Variants in ADAM9 observed in about 807,000 individuals in gnomAD.
ADAM9 encodes the protein disintegrin and metalloproteinase domain-containing protein 9.
A neutral mutation model predicts 108.1 loss-of-function variants in ADAM9; 54 were observed. That is an observed-to-expected ratio of 0.50 (90% CI 0.40 to 0.63). ADAM9 has a LOEUF of 0.63. Among genes scored for constraint, ADAM9 ranks in the 20% least tolerant of loss-of-function variants. The pLI, the probability that ADAM9 is intolerant of heterozygous loss-of-function variation, is 0.00. For missense variants in ADAM9, 830 were observed against 997.7 expected (o/e 0.83, Z 2.26); for synonymous variants, 316 against 336.0 (o/e 0.94, Z 0.65).
chr8:39,054,251 C>T (rs1209724082), intron 12 of ADAM9, among the ~76,000 whole-genome samples: 1 of 152,160 alleles, frequency 6.6e-6, no homozygotes, highest in Non-Finnish European at 1.5e-5. Flanking sequence ...TCTGAGCAGA[C>T]TAAGTAAGGC....
intron 11 of ADAM9, among the ~76,000 whole-genome samples, chr8:39,035,803 C>CGA (rs1436326990): frequency 1.5e-4 from 23 of 151,644 alleles, no homozygotes; most frequent in African/African-American, 5.1e-4. Flanking sequence ...GGTGACAGAG[C>CGA]GAGACTCTGT....
rs761046278 is a variant in ADAM9, at chr8:39,104,964, A to G, written c.*1264A>G. Reference sequence around the variant, plus strand: ...GGTTTGTGTATATATACATATACAAATACAACATTTACAATAAATAAAATA... The same window carrying G: ...GGTTTGTGTATATATACATATACAAGTACAACATTTACAATAAATAAAATA... On this transcript the variant is annotated 3_prime_UTR_variant, in exon 22 of 22. Coordinates refer to ENST00000487273, the MANE Select transcript of ADAM9 (RefSeq NM_003816.3). The G allele has an allele frequency of 7.0e-6, 3 of 426,548 alleles. No individual in the cohort carries two copies. Among genetic ancestry groups the G allele is most frequent in the South Asian group, 5.2e-5 (3 of 57,204 alleles). The allele number at this position is 426,548 out of a possible 1,614,324, so 26.4% of individuals were successfully genotyped here. A position where few individuals can be genotyped will look rare whatever the true frequency, so the allele number is the denominator to read the frequency against.
Position 39,068,508 on chromosome 8 carries a change from C to G in ADAM9, c.1592-2790C>G, listed in dbSNP as rs188521705. Among the ~76,000 whole-genome samples, 463 of 151,444 alleles carry G rather than the reference C, an allele frequency of 3.1e-3. 1 individual carries two copies. The highest frequency in any genetic ancestry group is 0.01 in the African/African-American group (428 of 41,278). On this transcript the variant is annotated intron_variant, in intron 14 of 21. Transcript: ENST00000487273. ...TGGCCAACATGGTGAAGCCCTGTCT[C>G]TACTAAAAATACAAAAATTAGCTTG... is the stretch of plus-strand genomic sequence containing the variant.
chr8:39,103,684 A>G lies in ADAM9; in HGVS notation c.2444A>G (p.Tyr815Cys), dbSNP rs1196997549. The G allele has an allele frequency of 5.6e-6, 9 of 1,613,676 alleles. No homozygotes were observed. The highest frequency in any genetic ancestry group is 7.6e-6 in the Non-Finnish European group (9 of 1,179,842). ...CGTCCTGCTCCTGCACCTCCTTTAT[A>G]TAGTTCCCTCACTTGATTTTTTTAA... Reference protein sequence around the residue: ...PARPAPAPPLYSSLT With the variant: ...PARPAPAPPLCSSLT Residue 815 changes from tyrosine to cysteine, a missense_variant, in exon 22 of 22, where the codon TAT becomes TGT. Coordinates refer to ENST00000487273, the MANE Select transcript of ADAM9 (RefSeq NM_003816.3).
intron 12 of ADAM9, among the ~76,000 whole-genome samples, chr8:39,046,389 T>C (rs1184297074): frequency 6.6e-6 from 1 of 152,180 alleles, no homozygotes; most frequent in Non-Finnish European, 1.5e-5. Context: ...ATTTTCTATA[T>C]GTATGATCAT....
chr8:39,045,789 A>G (rs1453409083), intron 12 of ADAM9, among the ~76,000 whole-genome samples: 2 of 152,100 alleles, frequency 1.3e-5, no homozygotes, highest in African/African-American at 4.8e-5. Flanking sequence ...AAAAATCTTT[A>G]TACTGTTTTC....
rs1039093981 is a variant in ADAM9, at chr8:39,050,402, G to A, written c.1303-4079G>A. 1.2e-4 allele frequency among the ~76,000 whole-genome samples: 18 copies of A among 150,100 alleles called. No homozygotes were observed. The East Asian group carries it at 3.1e-3, about 26-fold the overall frequency. ...TGGGATTGCCACAGTGTGTATATTA[G>A]TCTCTTGATGGTGTCTCATAAGTCC... is the stretch of plus-strand genomic sequence containing the variant. On this transcript the variant is annotated intron_variant, in intron 12 of 21. Transcript: ENST00000487273.
At chr8:39,047,527 A>G (rs1837811817) in intron 12 of ADAM9, among the ~76,000 whole-genome samples, 1 of 151,860 alleles carries the variant, frequency 6.6e-6, no homozygotes, top group South Asian at 2.1e-4. Context: ...TCTTGGTGGG[A>G]TGTGTGTTTC....
intron 9 of ADAM9, among the ~76,000 whole-genome samples, chr8:39,025,516 A>G (rs1284269187): frequency 6.6e-6 from 1 of 152,218 alleles, no homozygotes. Flanking sequence ...ATAGTTAAAT[A>G]TAATAAGTGT....
At position 39,042,046 on chromosome 8, in the gene ADAM9, G is replaced by A. The variant is rs1837470820; in HGVS notation, c.1231G>A (p.Ala411Thr). 3.1e-6 allele frequency: 5 copies of A among 1,614,004 alleles called. No homozygotes were observed. The East Asian group carries it at 8.9e-5, about 29-fold the overall frequency. Residue 411 changes from alanine to threonine, a missense_variant, in exon 12 of 22, where the codon GCC becomes ACC. Physicochemically the swap from Ala to Thr is moderately conservative, Grantham distance 58. Around this residue, in one of 3 missense-constraint regions of ADAM9, gnomAD observed 381 missense variants for 539.8 expected, o/e 0.71. Transcript: ENST00000487273. ...CLLNIPKPDE[A>T]YSAPSCGNKL... is the part of the protein sequence containing the mutation. ...TCTTAATATTCCAAAGCCTGATGAA[G>A]CCTATAGTGCTCCCTCCTGTGGTAA...
At position 39,090,197 on chromosome 8, in the gene ADAM9, AT is replaced by A. The variant is rs758789276; in HGVS notation, c.2210+16del. The A allele has an allele frequency of 1.6e-4, 258 of 1,609,130 alleles. No individual in the cohort carries two copies. Among genetic ancestry groups the A allele is most frequent in the Non-Finnish European group, 2.0e-4 (231 of 1,177,072 alleles). Reference sequence around the variant, plus strand: ...AGATCACAAACATATGAGTACTTAGATTTTTTTCTTTTAATTCCTATATTAA... The same window carrying A: ...AGATCACAAACATATGAGTACTTAGATTTTTTCTTTTAATTCCTATATTAA... On this transcript the variant is annotated intron_variant, in intron 19 of 21. Transcript: ENST00000487273.
At position 39,002,333 on chromosome 8, in the gene ADAM9, T is replaced by TA. The variant is rs1474646683; in HGVS notation, c.97+5173_97+5174insA. ...AATTCTTTTTTTTTTTTTTTTTTTTTTTTGAGACAGAGTCTCACTCTGTTG... is the reference window on the plus strand; with the variant it reads ...AATTCTTTTTTTTTTTTTTTTTTTTTATTTGAGACAGAGTCTCACTCTGTTG... On this transcript the variant is annotated intron_variant, in intron 1 of 21. Transcript: ENST00000487273. Among the ~76,000 whole-genome samples, 4 of 147,128 alleles carry TA rather than the reference T, an allele frequency of 2.7e-5. No individual in the cohort carries two copies. In the East Asian group the frequency reaches 7.9e-4, roughly 29 times the overall value.
rs1465967321 is a variant in ADAM9, at chr8:39,023,244, G to A, written c.833G>A (p.Gly278Asp). 1.2e-6 allele frequency: 2 copies of A among 1,613,780 alleles called. No homozygotes were observed. Among genetic ancestry groups the A allele is most frequent in the South Asian group, 1.1e-5 (1 of 91,028 alleles). ...GNLINIVGGA[G>D]DVLGNFVQWR... Reference sequence around the variant, plus strand: ...CTGATCAACATAGTTGGGGGTGCTGGTGATGTGCTGGGGAACTTCGTGCAG... The same window carrying A: ...CTGATCAACATAGTTGGGGGTGCTGATGATGTGCTGGGGAACTTCGTGCAG... Residue 278 changes from glycine (G) to aspartate (D), a missense_variant, in exon 9 of 22, where the codon GGT (glycine) becomes GAT (aspartate). By Grantham distance (94) the Gly-to-Asp change is moderately conservative (BLOSUM62 -1). Transcript: ENST00000487273.
chr8:39,058,876 G>A (rs374993724), intron 14 of ADAM9, among the ~76,000 whole-genome samples: 1 of 152,140 alleles, frequency 6.6e-6, no homozygotes, highest in Non-Finnish European at 1.5e-5. Context: ...ACCTGGACAC[G>A]TGAATCCTGG....
At chr8:39,030,180 A>G (rs1310434479) in intron 11 of ADAM9, among the ~76,000 whole-genome samples, 1 of 152,188 alleles carries the variant, frequency 6.6e-6, no homozygotes, top group Non-Finnish European at 1.5e-5. Context: ...GTGTATGATG[A>G]CAAGTATCCC....
At chr8:39,098,045 T>C (rs1289376840) in intron 20 of ADAM9, among the ~76,000 whole-genome samples, 3 of 152,232 alleles carry the variant, frequency 2.0e-5, no homozygotes, top group Non-Finnish European at 2.9e-5. Context: ...GAAGTTCCCT[T>C]AGCGAAGGTA....
rs1312942388 is a variant in ADAM9, at chr8:38,996,985, C to T, written c.-79C>T. ...GCGCTTCCCGGCCAGACTTGGGGCCCCGGCAGGGTTGGAAAATGATGGAAG... is the reference window on the plus strand; with the variant it reads ...GCGCTTCCCGGCCAGACTTGGGGCCTCGGCAGGGTTGGAAAATGATGGAAG... On this transcript the variant is annotated 5_prime_UTR_variant, in exon 1 of 22. Coordinates refer to ENST00000487273, the MANE Select transcript of ADAM9 (RefSeq NM_003816.3). 7 of 1,543,914 alleles carry T rather than the reference C, an allele frequency of 4.5e-6. No homozygotes were observed. The Admixed American group carries it at 7.7e-5, about 17-fold the overall frequency.
chr8:39,040,348 C>A (rs187250906), intron 11 of ADAM9, among the ~76,000 whole-genome samples: 4 of 152,160 alleles, frequency 2.6e-5, no homozygotes, highest in East Asian at 3.9e-4. Flanking sequence ...CATACCTGGC[C>A]GTTATCTCTT....
chr8:39,016,574 C>G (rs1836536018), intron 5 of ADAM9, among the ~76,000 whole-genome samples: 1 of 152,112 alleles, frequency 6.6e-6, no homozygotes, highest in Non-Finnish European at 1.5e-5. Flanking sequence ...TTTAGGTGAG[C>G]AAACTGAAGT....
Sources: allele counts gnomAD v4.1 joint callset (sites outside exome capture counted in the v4.1 genomes callset), GRCh38; gene constraint gnomAD v4.1.1; regional missense constraint gnomAD v4.1.1; transcripts MANE v1.5; gene names NCBI Gene and HGNC (gene_info 2026-07-23, HGNC 2026-07-21).